The following ATP9B variants were observed in gnomAD, a reference collection of about 807,000 sequenced individuals.
The protein encoded by ATP9B is ATPase phospholipid transporting 9B, also known as probable phospholipid-transporting ATPase IIB.
A neutral mutation model predicts 146.1 loss-of-function variants in ATP9B; 110 were observed. That is an observed-to-expected ratio of 0.75 (90% CI 0.65 to 0.88). ATP9B has a LOEUF of 0.88. Ranked by LOEUF, ATP9B falls within the 40% of genes least tolerant of loss-of-function variation. The pLI is 0.00. For missense variants in ATP9B, 1,499 were observed against 1,496.4 expected, an observed-to-expected ratio of 1.00 and a Z score of -0.03; for synonymous variants, 604 against 569.7, an observed-to-expected ratio of 1.06 and a Z score of -0.86.
intron 25 of ATP9B, 150 bp downstream of exon 25, chr18:79,348,346 C>T: frequency 1.4e-6 from 1 of 734,646 alleles, no homozygotes; most frequent in Non-Finnish European, 2.2e-6. Context: ...CAACATTTTA[C>T]TTGGGTGAAC....
At chr18:79,116,854 A>G (rs1477253016) in intron 4 of ATP9B, among the ~76,000 whole-genome samples, 2 of 113,150 alleles carry the variant, frequency 1.8e-5, no homozygotes, top group Non-Finnish European at 3.6e-5. Flanking sequence ...GCGCACCAGC[A>G]TGGCACATGT....
Position 79,239,924 on chromosome 18 carries a change from G to C in ATP9B, c.1108-13457G>C, listed in dbSNP as rs564337382. Among the ~76,000 whole-genome samples, 126 of 152,330 alleles carry C rather than the reference G, an allele frequency of 8.3e-4. No homozygotes were observed. Among genetic ancestry groups the C allele is most frequent in the African/African-American group, 2.9e-3 (122 of 41,574 alleles). On this transcript the variant is annotated intron_variant, in intron 11 of 29. Transcript: ENST00000426216. The surrounding 1 kb of genome is among the most constrained non-coding windows in gnomAD (Gnocchi z 5.1). ...ATGAGCGGAGAGGCTTGCTCTGCCTGCGTCCCCATCAGCGGTGACCAGCAG... is the reference window on the plus strand; with the variant it reads ...ATGAGCGGAGAGGCTTGCTCTGCCTCCGTCCCCATCAGCGGTGACCAGCAG...
At chr18:79,376,427 T>C in intron 29 of ATP9B, 1 of 981,696 alleles carries the variant, frequency 1.0e-6, no homozygotes, top group African/African-American at 1.8e-5. Flanking sequence ...CTCACTCTTG[T>C]TACCCAGGCT....
intron 15 of ATP9B, among the ~76,000 whole-genome samples, chr18:79,308,650 C>G (rs896088634): frequency 4.6e-5 from 7 of 151,308 alleles, no homozygotes; most frequent in Non-Finnish European, 8.8e-5. Context: ...GAGGAGTGAT[C>G]CCCAGTAGGT....
chr18:79,354,236 A>T (rs1474999228), intron 25 of ATP9B: 1 of 152,158 alleles, frequency 6.6e-6, no homozygotes, highest in Non-Finnish European at 1.5e-5. Context: ...TGAGATAACT[A>T]TGAGAGTGTG....
intron 13 of ATP9B, among the ~76,000 whole-genome samples, chr18:79,282,401 T>G (rs547251664): frequency 2.0e-4 from 30 of 152,318 alleles, no homozygotes; most frequent in Admixed American, 1.6e-3. Context: ...CAGACTTCAT[T>G]GTTGTCTTAT....
intron 7 of ATP9B, among the ~76,000 whole-genome samples, chr18:79,166,262 G>A (rs1187679624): frequency 6.6e-6 from 1 of 152,196 alleles, no homozygotes; most frequent in Non-Finnish European, 1.5e-5. Context: ...GCTTCATGGA[G>A]AGTCCTAGAT....
At chr18:79,198,854 G>A (rs748009862) in intron 9 of ATP9B, among the ~76,000 whole-genome samples, 79 of 152,264 alleles carry the variant, frequency 5.2e-4, no homozygotes, top group South Asian at 2.5e-3. Flanking sequence ...GGACATGACT[G>A]CACACTACTG....
chr18:79,200,748 G>GGTGGAGGTGGGAACTGTCGGGGTCA (rs1568388632), intron 9 of ATP9B, among the ~76,000 whole-genome samples: 1 of 152,126 alleles, frequency 6.6e-6, no homozygotes. Context: ...TCAGAGCAGA[G>GGTGGAGGTGGGAACTGTCGGGGTCA]GTGGAGGTGG....
At chr18:79,150,273 A>G (rs1370459331) in intron 6 of ATP9B, among the ~76,000 whole-genome samples, 1 of 152,196 alleles carries the variant, frequency 6.6e-6, no homozygotes, top group Non-Finnish European at 1.5e-5. Context: ...GTGGAAATAC[A>G]AATAATACAG....
In ATP9B at chr18:79,330,075, G is replaced by T; in HGVS notation, c.1999G>T (p.Val667Leu). ...CGCTGACGTGGCCATGTCTCCTATC[G>T]TGCAGTATAATGACTGGCTGGAAGA... ...KGADVAMSPI[V>L]QYNDWLEEEC... The change falls in exon 17 of 30, where the codon GTG becomes TTG. Residue 667 changes from valine (V) to leucine (L), a missense_variant. Transcript: ENST00000426216. 6.2e-7 allele frequency: 1 copy of T among 1,614,144 alleles called. No homozygotes were observed. Among genetic ancestry groups the T allele is most frequent in the Non-Finnish European group, 8.5e-7 (1 of 1,180,000 alleles).
intron 12 of ATP9B, among the ~76,000 whole-genome samples, chr18:79,263,535 A>G (rs759263731): frequency 6.6e-6 from 1 of 152,246 alleles, no homozygotes. Context: ...GCTAGTTTCT[A>G]TAATTGAAAT....
intron 7 of ATP9B, among the ~76,000 whole-genome samples, chr18:79,162,685 A>C (rs914306540): frequency 2.6e-5 from 4 of 152,176 alleles, no homozygotes; most frequent in Non-Finnish European, 4.4e-5. Context: ...AGAGTCATTA[A>C]ATCGTATGAA....
At chr18:79,216,174 T>C (rs1463015072) in intron 11 of ATP9B, among the ~76,000 whole-genome samples, 1 of 152,244 alleles carries the variant, frequency 6.6e-6, no homozygotes, top group Admixed American at 6.5e-5. Flanking sequence ...CAACTTATTT[T>C]CTGTCATTTT....
At chr18:79,223,380 T>C (rs1359245929) in intron 11 of ATP9B, among the ~76,000 whole-genome samples, 1 of 152,208 alleles carries the variant, frequency 6.6e-6, no homozygotes, top group Non-Finnish European at 1.5e-5. Flanking sequence ...TAGAATGCCT[T>C]AATTTTTCTA....
intron 13 of ATP9B, among the ~76,000 whole-genome samples, chr18:79,297,787 T>G (rs1049811275): frequency 6.7e-6 from 1 of 148,460 alleles, no homozygotes; most frequent in African/African-American, 2.5e-5. Context: ...CTCTACACTG[T>G]CGTGTAATAA....
At chr18:79,363,794 C>G (rs1339599125) in intron 26 of ATP9B, 2 of 151,928 alleles carry the variant, frequency 1.3e-5, no homozygotes, top group Non-Finnish European at 2.9e-5. Context: ...ACAGATGATC[C>G]TGGAATGAGA....
intron 5 of ATP9B, among the ~76,000 whole-genome samples, chr18:79,140,087 A>G (rs1463334274): frequency 6.6e-6 from 1 of 152,190 alleles, no homozygotes. Flanking sequence ...AAAGCTTCAC[A>G]GAGGTTAGAC....
intron 7 of ATP9B, among the ~76,000 whole-genome samples, chr18:79,160,220 A>G (rs78878182): frequency 4.6e-5 from 7 of 152,364 alleles, no homozygotes; most frequent in African/African-American, 1.7e-4. Context: ...GATTTTAACT[A>G]ACACAGCTCA....
Sources: gnomAD v4.1 joint callset for allele counts (sites outside exome capture counted in the v4.1 genomes callset) on GRCh38, gnomAD v4.1.1 for gene constraint, Gnocchi (gnomAD v3.1) non-coding constraint, MANE v1.5 for transcripts, NCBI Gene and HGNC (gene_info 2026-07-23, HGNC 2026-07-21) for gene names.